Variants in ACACA observed in about 807,000 individuals in gnomAD.
ACACA encodes the protein acetyl-CoA carboxylase alpha, also known as acetyl-CoA carboxylase 1.
ACACA carries 103 observed loss-of-function variants against 296.1 expected under a neutral mutation model. That is an observed-to-expected ratio of 0.35 (90% CI 0.30 to 0.41). The LOEUF (loss-of-function observed/expected upper bound fraction) is 0.41. Ranked by LOEUF, ACACA falls within the 10% of genes least tolerant of loss-of-function variation. ACACA has a pLI of 1.00. For missense variants in ACACA, 1,554 were observed against 2,989.7 expected (o/e 0.52, Z 11.20); for synonymous variants, 953 against 1,038.6 (o/e 0.92, Z 1.58).
intron 3 of ACACA, among the ~76,000 whole-genome samples, chr17:37,306,058 G>A (rs1283583376): frequency 1.3e-5 from 2 of 151,722 alleles, no homozygotes; most frequent in Non-Finnish European, 1.5e-5. Flanking sequence ...ACAGGTGCCC[G>A]CCACCATGCC....
rs552082384 is a variant in ACACA, at chr17:37,351,278, A to G, written c.39-11428T>C. ...GGGGTTCAAGACCAGCCTGGCCAAT[A>G]TGGTAAAACCCCATCTCTACTAAAA... On this transcript the variant is annotated intron_variant, in intron 1 of 55. Transcript: ENST00000616317. Among the ~76,000 whole-genome samples, 251 of 152,282 alleles carry G rather than the reference A, an allele frequency of 1.6e-3. 1 individual carries two copies. Among genetic ancestry groups the G allele is most frequent in the African/African-American group, 5.7e-3 (237 of 41,566 alleles).
chr17:37,245,315 C>T, intron 19 of ACACA, 101 bp from the exon 20 acceptor site: 2 of 1,177,660 alleles, frequency 1.7e-6, no homozygotes, highest in Non-Finnish European at 2.5e-6. Context: ...TTGGACCACA[C>T]CTAATTTGAC....
chr17:37,297,022 A>G (rs1477513656), intron 3 of ACACA, among the ~76,000 whole-genome samples: 2 of 151,966 alleles, frequency 1.3e-5, no homozygotes, highest in Admixed American at 1.3e-4. Flanking sequence ...CAGCCTCAAC[A>G]TATAAATTTT....
intron 1 of ACACA, among the ~76,000 whole-genome samples, chr17:37,404,570 A>ATTTTTTT (rs5820212): frequency 1.9e-5 from 2 of 104,742 alleles, no homozygotes; most frequent in African/African-American, 3.9e-5. Flanking sequence ...TGCCACAGTG[A>ATTTTTTT]TTTTTTTTTT....
chr17:37,388,701 A>T (rs779917611), intron 1 of ACACA: 1 of 1,612,454 alleles, frequency 6.2e-7, no homozygotes. Context: ...AGAGACAGAA[A>T]TGGAGTATTG....
intron 16 of ACACA, among the ~76,000 whole-genome samples, chr17:37,250,354 T>C (rs1454709378): frequency 6.6e-6 from 1 of 152,202 alleles, no homozygotes; most frequent in Non-Finnish European, 1.5e-5. Flanking sequence ...AAGATAAAGA[T>C]TAAGGTTGGG....
chr17:37,375,960 G>A, intron 1 of ACACA: 2 of 665,948 alleles, frequency 3.0e-6, no homozygotes, highest in Non-Finnish European at 5.3e-6. Flanking sequence ...AAAATAATCA[G>A]GGTGGAATCA....
intron 5 of ACACA, among the ~76,000 whole-genome samples, chr17:37,281,864 C>T (rs1181400722): frequency 2.0e-5 from 3 of 151,846 alleles, no homozygotes; most frequent in Admixed American, 2.0e-4. Flanking sequence ...GACTCCCTCT[C>T]AAAAGAAAAA....
chr17:37,336,482 A>G (rs1211234464), intron 2 of ACACA, among the ~76,000 whole-genome samples: 1 of 152,194 alleles, frequency 6.6e-6, no homozygotes, highest in Non-Finnish European at 1.5e-5. Context: ...ATCAGATACT[A>G]AAGAGAGCTC....
At chr17:37,386,000 G>C (rs1354351978) in intron 1 of ACACA, 2 of 1,545,354 alleles carry the variant, frequency 1.3e-6, no homozygotes, top group African/African-American at 2.7e-5. Context: ...TTTCTACTTT[G>C]TTTTATAGCT....
chr17:37,305,904 GTTTTTTTTTTTTT>G (rs200591761), intron 3 of ACACA, among the ~76,000 whole-genome samples: 3 of 95,808 alleles, frequency 3.1e-5, no homozygotes, highest in African/African-American at 7.0e-5. Context: ...TTTTTTTTTT[GTTTTTTTTTTTTT>G]TTTTTTTTTG....
intron 1 of ACACA, chr17:37,387,871 T>C (rs952650814): frequency 3.3e-5 from 5 of 152,136 alleles, no homozygotes; most frequent in African/African-American, 9.7e-5. Flanking sequence ...AATAATGAGA[T>C]GCACATTAGG....
At chr17:37,196,253 A>G (rs1230348238) in intron 35 of ACACA, among the ~76,000 whole-genome samples, 1 of 152,062 alleles carries the variant, frequency 6.6e-6, no homozygotes, top group Non-Finnish European at 1.5e-5. Context: ...TCTGAAAACT[A>G]ATAGTTGGTC....
chr17:37,379,256 A>G, intron 1 of ACACA: 1 of 1,614,030 alleles, frequency 6.2e-7, no homozygotes, highest in African/African-American at 1.3e-5. Flanking sequence ...GAGAAGGCCA[A>G]AGGTCAAGCA....
At chr17:37,383,460 A>G (rs533473218) in intron 1 of ACACA, among the ~76,000 whole-genome samples, 4 of 152,352 alleles carry the variant, frequency 2.6e-5, no homozygotes, top group African/African-American at 9.6e-5. Flanking sequence ...GCTATGCAAA[A>G]AGATTAAATG....
At chr17:37,285,161 T>C (rs2082710171) in intron 3 of ACACA, among the ~76,000 whole-genome samples, 191 bp from the exon 4 acceptor site, 1 of 152,070 alleles carries the variant, frequency 6.6e-6, no homozygotes, top group Admixed American at 6.6e-5. Flanking sequence ...AAAAAAAGCG[T>C]TTCTGAATAA....
chr17:37,347,776 A>T (rs956868094), intron 1 of ACACA, among the ~76,000 whole-genome samples: 5 of 151,694 alleles, frequency 3.3e-5, no homozygotes, highest in African/African-American at 7.3e-5. Flanking sequence ...AAGAAAAAAA[A>T]TTTTTTAACA....
At chr17:37,167,273 T>C (rs2076710401) in intron 41 of ACACA, among the ~76,000 whole-genome samples, 1 of 144,378 alleles carries the variant, frequency 6.9e-6, no homozygotes, top group Non-Finnish European at 1.5e-5. Flanking sequence ...GTATTTTCTT[T>C]TTTTTTTTTT....
chr17:37,249,104 T>C (rs950518148), intron 16 of ACACA, among the ~76,000 whole-genome samples: 2 of 152,214 alleles, frequency 1.3e-5, no homozygotes, highest in Non-Finnish European at 2.9e-5. Flanking sequence ...AGTAAAACCA[T>C]ATAGTATTTG....
Sources: gnomAD v4.1 joint callset for allele counts (sites outside exome capture counted in the v4.1 genomes callset) on GRCh38, gnomAD v4.1.1 for gene constraint, MANE v1.5 for transcripts, NCBI Gene and HGNC (gene_info 2026-07-23, HGNC 2026-07-21) for gene names.